WDPCP: variants seen among roughly 807,000 people sequenced by gnomAD.
WDPCP encodes WD repeat containing planar cell polarity effector, also known as WD repeat-containing and planar cell polarity effector protein fritz homolog.
WDPCP carries 71 observed loss-of-function variants against 93.1 expected under a neutral mutation model. That is an observed-to-expected ratio of 0.76 (90% confidence interval 0.63 to 0.93). The LOEUF is 0.93. WDPCP is among the 40% of genes least tolerant of loss of function. The pLI is 0.00. For synonymous variants in WDPCP, 315 were observed against 315.0 expected (o/e 1.00, Z 0.00); for missense variants, 844 against 887.4 (o/e 0.95, Z 0.62).
intron 3 of WDPCP, among the ~76,000 whole-genome samples, chr2:63,618,351 G>C (rs1236563528): frequency 6.6e-6 from 1 of 152,200 alleles, no homozygotes; most frequent in East Asian, 1.9e-4. Flanking sequence ...AGTACAATCG[G>C]CAACTAAGGT....
intron 9 of WDPCP, among the ~76,000 whole-genome samples, chr2:63,414,766 T>C (rs1161403492): frequency 2.6e-5 from 4 of 152,158 alleles, no homozygotes; most frequent in Admixed American, 6.6e-5. Flanking sequence ...ACTACAAATA[T>C]GGTGCAGTGT....
chr2:63,690,995 C>G (rs1202545280), intron 2 of WDPCP, among the ~76,000 whole-genome samples: 1 of 152,010 alleles, frequency 6.6e-6, no homozygotes, highest in East Asian at 1.9e-4. Flanking sequence ...AAATGTAATG[C>G]AAATGTATAT....
chr2:63,200,319 T>G (rs959394976), intron 14 of WDPCP, among the ~76,000 whole-genome samples: 29 of 152,152 alleles, frequency 1.9e-4, no homozygotes, highest in Non-Finnish European at 7.3e-5. Flanking sequence ...TACCATATGA[T>G]TCAACAATCC....
At chr2:63,782,715 C>T (rs1670412690) in intron 2 of WDPCP, among the ~76,000 whole-genome samples, 1 of 151,234 alleles carries the variant, frequency 6.6e-6, no homozygotes, top group Admixed American at 6.6e-5. Flanking sequence ...GCCACCTAAT[C>T]TGAAGCAGTC....
intron 2 of WDPCP, among the ~76,000 whole-genome samples, chr2:63,490,076 C>T (rs116307746): frequency 1.0e-4 from 15 of 146,446 alleles, no homozygotes; most frequent in African/African-American, 3.8e-4. Flanking sequence ...CACCTAATAT[C>T]TTCAAAAATA....
intron 2 of WDPCP, among the ~76,000 whole-genome samples, chr2:63,773,861 G>A (rs1670265489): frequency 6.6e-6 from 1 of 152,046 alleles, no homozygotes; most frequent in South Asian, 2.1e-4. Context: ...TAAAAACGTT[G>A]AGTATTGGCT....
chr2:63,795,447 C>T (rs1164168741), intron 2 of WDPCP, among the ~76,000 whole-genome samples: 1 of 149,344 alleles, frequency 6.7e-6, no homozygotes, highest in Non-Finnish European at 1.5e-5. Context: ...AGGAGGATCA[C>T]ATGAGCCAAG....
At chr2:63,685,625 AC>A (rs573331350) in intron 2 of WDPCP, among the ~76,000 whole-genome samples, 182 of 152,348 alleles carry the variant, frequency 1.2e-3, no homozygotes, top group Non-Finnish European at 2.2e-3. Flanking sequence ...TAATCCCGAT[AC>A]CAAAAACCAG....
At position 63,805,030 on chromosome 2, in the gene WDPCP, AAAAAG is replaced by A. The variant is rs1014255157; in HGVS notation, n.308+8587_308+8591del. On this transcript the variant is annotated intron_variant and non_coding_transcript_variant, in intron 2 of 4. Coordinates refer to the WDPCP transcript ENST00000467687. The stretch of plus-strand genomic sequence containing the variant: ...ATGAAAGAGTGAAACTCCATTTCAA[AAAAAG>A]AAAAGAAAAGAAAAGAAAGAGTCCA... 9.9e-5 allele frequency among the ~76,000 whole-genome samples: 15 copies of A among 152,236 alleles called. No individual in the cohort carries two copies. In the East Asian group the frequency reaches 2.1e-3, roughly 22 times the overall value.
intron 2 of WDPCP, among the ~76,000 whole-genome samples, chr2:63,784,175 A>G (rs1026619117): frequency 1.3e-5 from 2 of 152,106 alleles, no homozygotes; most frequent in Non-Finnish European, 2.9e-5. Flanking sequence ...TGAATGAACA[A>G]AAGTGTATCA....
intron 2 of WDPCP, among the ~76,000 whole-genome samples, chr2:63,676,728 G>A (rs1294439501): frequency 2.0e-5 from 3 of 152,118 alleles, no homozygotes; most frequent in Non-Finnish European, 4.4e-5. Flanking sequence ...GTATAGTTGA[G>A]TATCTCATTT....
intron 1 of WDPCP, among the ~76,000 whole-genome samples, chr2:63,556,849 T>C (rs1706163106): frequency 6.6e-6 from 1 of 152,030 alleles, no homozygotes; most frequent in Admixed American, 6.5e-5. Context: ...CCAGAAGAGA[T>C]TGGGGGCCAA....
the WDPCP span, among the ~76,000 whole-genome samples, chr2:63,836,658 T>C: frequency 1.3e-5 from 2 of 152,200 alleles, no homozygotes; most frequent in African/African-American, 2.4e-5. Context: ...AATGGCTCTA[T>C]TGCCTCTATC....
At chr2:63,304,420 A>C (rs944059099) in intron 13 of WDPCP, among the ~76,000 whole-genome samples, 3 of 152,198 alleles carry the variant, frequency 2.0e-5, no homozygotes, top group Admixed American at 6.5e-5. Flanking sequence ...TGGTGGGTGC[A>C]GCCCACAGAA....
intron 2 of WDPCP, chr2:63,751,572 TAGCAG>T (rs1669883707): frequency 1.9e-5 from 8 of 413,888 alleles, no homozygotes; most frequent in Admixed American, 6.5e-5. Context: ...TTTTTTTTTA[TAGCAG>T]CTAGGCCCTG....
chr2:63,248,580 A>G (rs1434356788), intron 14 of WDPCP, among the ~76,000 whole-genome samples: 1 of 151,802 alleles, frequency 6.6e-6, no homozygotes, highest in African/African-American at 2.4e-5. Context: ...AAAATTTGGG[A>G]GGGTTTTGGT....
At chr2:63,711,887 A>G (rs1325129721) in intron 2 of WDPCP, among the ~76,000 whole-genome samples, 1 of 152,244 alleles carries the variant, frequency 6.6e-6, no homozygotes, top group Non-Finnish European at 1.5e-5. Context: ...TTGGATTGAT[A>G]CTGGAGAAAC....
At chr2:63,215,612 A>G (rs924610882) in intron 14 of WDPCP, among the ~76,000 whole-genome samples, 1 of 152,226 alleles carries the variant, frequency 6.6e-6, no homozygotes, top group South Asian at 2.1e-4. Flanking sequence ...AAACCCTAGA[A>G]GAAAACCTAG....
intron 6 of WDPCP, among the ~76,000 whole-genome samples, chr2:63,447,070 C>G (rs1339780057): frequency 6.6e-6 from 1 of 152,012 alleles, no homozygotes; most frequent in Non-Finnish European, 1.5e-5. Flanking sequence ...TTTAATTAAT[C>G]AGAAATTTTT....
Sources: gnomAD v4.1 joint callset for allele counts (sites outside exome capture counted in the v4.1 genomes callset) on GRCh38, gnomAD v4.1.1 for gene constraint, MANE v1.5 for transcripts, NCBI Gene and HGNC (gene_info 2026-07-23, HGNC 2026-07-21) for gene names.